NRXN3: variants seen among roughly 807,000 people sequenced by gnomAD.
NRXN3 encodes the protein neurexin III.
A neutral mutation model predicts 137.6 loss-of-function variants in NRXN3; 32 were observed. That is an observed-to-expected ratio of 0.23 (90% CI 0.18 to 0.31). NRXN3 has a LOEUF of 0.31. Ranked by LOEUF, NRXN3 falls within the 10% of genes least tolerant of loss-of-function variation. NRXN3 has a pLI of 1.00. For missense variants in NRXN3, 1,574 were observed against 2,062.5 expected, an observed-to-expected ratio of 0.76 and a Z score of 4.59; for synonymous variants, 798 against 784.5, an observed-to-expected ratio of 1.02 and a Z score of -0.29.
intron 16 of NRXN3, among the ~76,000 whole-genome samples, chr14:79,588,614 G>A (rs1205122378): frequency 6.6e-6 from 1 of 152,216 alleles, no homozygotes; most frequent in Non-Finnish European, 1.5e-5. Context: ...CAGTAAAGTT[G>A]ACAGCCCTGA....
At position 78,648,986 on chromosome 14, in the gene NRXN3, G is replaced by A. The variant is rs78958625; in HGVS notation, c.1060-2179G>A. ...CTGAGAGAGATTTGGAAGAAGCAGG[G>A]AGCTGCAATGGCATGTAGACTGCAG... On this transcript the variant is annotated intron_variant, in intron 5 of 20. Transcript: ENST00000335750. Among the ~76,000 whole-genome samples the A allele has an allele frequency of 8.5e-3, 1,292 of 152,168 alleles. 24 individuals are homozygous for A. The highest frequency in any genetic ancestry group is 0.03 in the African/African-American group (1,240 of 41,514).
chr14:78,327,918 C>T (rs183223584), intron 4 of NRXN3, among the ~76,000 whole-genome samples: 4 of 152,218 alleles, frequency 2.6e-5, no homozygotes, highest in East Asian at 1.9e-4. Flanking sequence ...GAGGTCCAGC[C>T]GCTGCTTCAT....
chr14:78,387,089 A>G (rs187383143), intron 4 of NRXN3, among the ~76,000 whole-genome samples: 1 of 152,156 alleles, frequency 6.6e-6, no homozygotes, highest in Non-Finnish European at 1.5e-5. Context: ...CCTATACTTA[A>G]TATTGTTTTT....
chr14:79,136,080 A>G (rs1181869931), intron 15 of NRXN3, among the ~76,000 whole-genome samples: 1 of 152,228 alleles, frequency 6.6e-6, no homozygotes, highest in Non-Finnish European at 1.5e-5. Context: ...TCACAAAGCA[A>G]GAGAAAAGTC....
intron 19 of NRXN3, among the ~76,000 whole-genome samples, chr14:79,754,329 G>A (rs117169927): frequency 0.016 from 2,463 of 151,678 alleles, 36 homozygotes; most frequent in Non-Finnish European, 0.026. Context: ...GGACGACAGA[G>A]CGAGACTCCA....
rs142039890 is a variant in NRXN3 at position 79,132,295 on chromosome 14, C to G, written c.3262+144154C>G. 4.3e-3 allele frequency among the ~76,000 whole-genome samples: 658 copies of G among 152,290 alleles called. 4 individuals carry two copies. Among genetic ancestry groups the G allele is most frequent in the African/African-American group, 0.015 (629 of 41,552 alleles). On this transcript the variant is annotated intron_variant, in intron 15 of 20. Transcript: ENST00000335750. ...TACTCGGATATATGAATTACTTTTT[C>G]AGTTGTAAGTTTTGTGAAATGTATA... is the stretch of plus-strand genomic sequence containing the variant.
At chr14:79,497,920 G>A (rs889796591) in intron 16 of NRXN3, among the ~76,000 whole-genome samples, 4 of 152,062 alleles carry the variant, frequency 2.6e-5, no homozygotes, top group Non-Finnish European at 4.4e-5. Flanking sequence ...TGTAGTCCCA[G>A]CTACTTGGAA....
intron 4 of NRXN3, among the ~76,000 whole-genome samples, chr14:78,398,542 A>G (rs1367837292): frequency 9.9e-5 from 15 of 152,142 alleles, no homozygotes; most frequent in Admixed American, 9.8e-4. Flanking sequence ...ACTGTTGGGC[A>G]GAGTTTGGAG....
rs1404327770 is a variant in NRXN3, at chr14:79,862,577, G to GTTTAT, written c.*617_*621dup. On this transcript the variant is annotated 3_prime_UTR_variant, in exon 21 of 21. Coordinates refer to ENST00000335750, the MANE Select transcript of NRXN3 (RefSeq NM_001330195.2). ...GGGGAAAAATGGCTTTTGGGTTTTT[G>GTTTAT]TTTATTTTTTTGATAATGACTGGAC... The GTTTAT allele has an allele frequency of 6.6e-6, 1 of 152,224 alleles. No individual in the cohort carries two copies. Among genetic ancestry groups the GTTTAT allele is most frequent in the African/African-American group, 2.4e-5 (1 of 41,322 alleles). The allele number at this position is 152,224 out of a possible 1,614,324, so 9.4% of individuals were successfully genotyped here.
At chr14:78,456,847 T>TTCTTTCTTTCTTTCTTTC in intron 4 of NRXN3, among the ~76,000 whole-genome samples, 1 of 133,792 alleles carries the variant, frequency 7.5e-6, no homozygotes, top group East Asian at 2.2e-4. Flanking sequence ...CTTTCTTTCT[T>TTCTTTCTTTCTTTCTTTC]TCTTTCTTTT....
intron 19 of NRXN3, among the ~76,000 whole-genome samples, chr14:79,741,943 T>C (rs1410152204): frequency 6.6e-6 from 1 of 152,100 alleles, no homozygotes; most frequent in Non-Finnish European, 1.5e-5. Context: ...ATTATAAGAG[T>C]ATTGCACTAA....
At position 79,565,295 on chromosome 14, in the gene NRXN3, G is replaced by A. The variant is rs373120142; in HGVS notation, c.3444+97893G>A. On this transcript the variant is annotated intron_variant, in intron 16 of 20. Coordinates refer to ENST00000335750, the MANE Select transcript of NRXN3 (RefSeq NM_001330195.2). ...TGTGTGTATACATATACGCACACAT[G>A]TGTATATACATATACACACACATGT... Among the ~76,000 whole-genome samples, 268 of 143,852 alleles carry A rather than the reference G, an allele frequency of 1.9e-3. 4 individuals carry two copies. Among genetic ancestry groups the A allele is most frequent in the African/African-American group, 4.0e-3 (160 of 39,854 alleles). The allele number at this position is 143,852 out of a possible 152,430, so 94.4% of individuals were successfully genotyped here. A position where few individuals can be genotyped will look rare whatever the true frequency, so the allele number is the denominator to read the frequency against.
At chr14:78,744,652 G>T (rs1207623981) in intron 8 of NRXN3, 2 of 152,096 alleles carry the variant, frequency 1.3e-5, no homozygotes, top group Non-Finnish European at 2.9e-5. Flanking sequence ...AGTGGCGAAG[G>T]TGTTATTTAA....
chr14:79,241,039 T>C (rs2074205222), intron 15 of NRXN3, among the ~76,000 whole-genome samples: 1 of 152,172 alleles, frequency 6.6e-6, no homozygotes, highest in South Asian at 2.1e-4. Flanking sequence ...AGCCTCTTGT[T>C]TAAATCACAT....
intron 4 of NRXN3, among the ~76,000 whole-genome samples, chr14:78,487,672 G>A (rs2095585806): frequency 6.6e-6 from 1 of 151,762 alleles, no homozygotes; most frequent in African/African-American, 2.4e-5. Context: ...AACCCAGGAG[G>A]CAGAGGTTGC....
At position 78,968,238 on chromosome 14, in the gene NRXN3, C is replaced by G. The variant is rs774467995; in HGVS notation, c.3034C>G (p.Arg1012Gly). ...CAACCTCCCAAAGCTCGTGGCCTCT[C>G]GAGATGGCTTTCAGGGCTGTCTAGC... Reference protein sequence around the residue: ...YSNLPKLVASRDGFQGCLASV... With the variant: ...YSNLPKLVASGDGFQGCLASV... The change falls in exon 14 of 21, where the codon CGA becomes GGA. Residue 1012 changes from arginine to glycine, a missense_variant. This residue lies in a region of NRXN3 where 718 missense variants were observed against 887.6 expected (regional missense o/e 0.81). Coordinates refer to ENST00000335750, the MANE Select transcript of NRXN3 (RefSeq NM_001330195.2). 5.6e-6 allele frequency: 9 copies of G among 1,614,070 alleles called. No homozygotes were observed. Among genetic ancestry groups the G allele is most frequent in the Non-Finnish European group, 5.9e-6 (7 of 1,179,970 alleles).
chr14:79,035,404 T>C (rs10135769), intron 15 of NRXN3, among the ~76,000 whole-genome samples: 57,815 of 151,886 alleles, frequency 0.38, 11,543 homozygotes, highest in Admixed American at 0.49. Context: ...CCATATTTGG[T>C]CTTTTCATGA....
intron 10 of NRXN3, among the ~76,000 whole-genome samples, chr14:78,946,453 C>T (rs7144899): frequency 0.1 from 15,384 of 152,146 alleles, 1,914 homozygotes; most frequent in East Asian, 0.37. Flanking sequence ...ATTTGTTCAA[C>T]TCCCCCAGCA....
At chr14:78,628,334 A>G (rs548376867) in intron 4 of NRXN3, among the ~76,000 whole-genome samples, 73 of 152,298 alleles carry the variant, frequency 4.8e-4, no homozygotes, top group Non-Finnish European at 6.0e-4. Context: ...CCAGGATTTC[A>G]GGCATAAGCC....
Sources: gnomAD v4.1 joint callset for allele counts (sites outside exome capture counted in the v4.1 genomes callset) on GRCh38, gnomAD v4.1.1 for gene constraint, gnomAD v4.1.1 regional missense constraint, MANE v1.5 for transcripts, NCBI Gene and HGNC (gene_info 2026-07-23, HGNC 2026-07-21) for gene names.